SPMIP8: variants seen among roughly 807,000 people sequenced by gnomAD.
SPMIP8 encodes testicular tissue protein Li 196.
At chr16:57,982,945 G>A in the SPMIP8 span, among the ~76,000 whole-genome samples, 3 of 152,202 alleles carry the variant, frequency 2.0e-5, no homozygotes, top group East Asian at 1.9e-4. Context: ...CGTGAGAATC[G>A]CTTGAACCTG....
At chr16:57,987,340 A>AT in the SPMIP8 span, 5 of 1,456,052 alleles carry the variant, frequency 3.4e-6, no homozygotes, top group Admixed American at 8.0e-5. Context: ...GAAAAGCCTG[A>AT]TTTTTCCCCT....
the SPMIP8 span, chr16:57,985,760 C>T: frequency 1.7e-6 from 2 of 1,168,132 alleles, no homozygotes; most frequent in Admixed American, 3.1e-5. Context: ...TCCACCCTTG[C>T]GGAGTGGAGG....
the SPMIP8 span, chr16:57,984,381 C>T: frequency 6.2e-7 from 1 of 1,614,170 alleles, no homozygotes; most frequent in South Asian, 1.1e-5. Flanking sequence ...GTCCTTTGCC[C>T]TGCCCTTGGG....
the SPMIP8 span, chr16:57,987,249 A>C: frequency 3.9e-6 from 3 of 759,804 alleles, no homozygotes; most frequent in Non-Finnish European, 5.8e-6. Context: ...GACAGCTGAA[A>C]ATACAGAAAA....
chr16:57,984,058 C>T, the SPMIP8 span, among the ~76,000 whole-genome samples: 2 of 151,952 alleles, frequency 1.3e-5, no homozygotes, highest in African/African-American at 4.8e-5. Flanking sequence ...TGCTCGCCAC[C>T]ATGCCTGGCT....
the SPMIP8 span, chr16:57,978,083 G>T: frequency 1.3e-6 from 2 of 1,571,302 alleles, no homozygotes; most frequent in Non-Finnish European, 1.7e-6. Flanking sequence ...AGGGGCAGAT[G>T]GTTTCAGGAA....
chr16:57,985,188 G>C, the SPMIP8 span: 1 of 1,509,942 alleles, frequency 6.6e-7, no homozygotes, highest in Non-Finnish European at 8.8e-7. Context: ...GCGCTCGAGA[G>C]GGGCTTTCTG....
chr16:57,980,589 G>T, the SPMIP8 span, among the ~76,000 whole-genome samples: 1 of 152,182 alleles, frequency 6.6e-6, no homozygotes, highest in African/African-American at 2.4e-5. Context: ...TGTATGAGTT[G>T]TAATTGTTTT....
chr16:57,980,319 C>T, the SPMIP8 span, among the ~76,000 whole-genome samples: 33 of 152,342 alleles, frequency 2.2e-4, no homozygotes, highest in South Asian at 6.4e-3. Flanking sequence ...ATTGAACAAA[C>T]ATGCATGTAA....
the SPMIP8 span, chr16:57,985,439 C>A: frequency 6.2e-7 from 1 of 1,613,546 alleles, no homozygotes; most frequent in Non-Finnish European, 8.5e-7. Context: ...GGCGTCCGTG[C>A]TCCCCCGACT....
At chr16:57,985,526 G>A in the SPMIP8 span, 2 of 1,606,992 alleles carry the variant, frequency 1.2e-6, no homozygotes, top group Admixed American at 1.7e-5. Flanking sequence ...ACGGACAGAA[G>A]CCCCTGCCTT....
the SPMIP8 span, chr16:57,985,104 G>T: frequency 1.6e-6 from 2 of 1,229,606 alleles, no homozygotes; most frequent in Non-Finnish European, 2.2e-6. Context: ...GGTGGGGCTG[G>T]ATTGTGGGCG....
At chr16:57,985,606 C>A in the SPMIP8 span, 2 of 1,522,692 alleles carry the variant, frequency 1.3e-6, no homozygotes, top group East Asian at 2.3e-5. Context: ...GAGGTCTGGG[C>A]CGCTTTCCTA....
the SPMIP8 span, chr16:57,986,353 A>T: frequency 1.2e-5 from 2 of 172,650 alleles, no homozygotes; most frequent in Non-Finnish European, 2.4e-5. Flanking sequence ...AAGAGATAAG[A>T]TAAGAACAAG....
chr16:57,985,904 C>T, the SPMIP8 span: 2 of 1,612,206 alleles, frequency 1.2e-6, no homozygotes, highest in Non-Finnish European at 1.7e-6. Flanking sequence ...CCCGTTCTTT[C>T]CCAGGAACAC....
At chr16:57,985,946 G>A in the SPMIP8 span, 2 of 1,612,436 alleles carry the variant, frequency 1.2e-6, no homozygotes, top group Middle Eastern at 1.7e-4. Flanking sequence ...CTACAGGTAG[G>A]GGAACGGTCC....
the SPMIP8 span, among the ~76,000 whole-genome samples, chr16:57,983,367 AT>A: frequency 3.4e-4 from 52 of 152,124 alleles, no homozygotes; most frequent in Admixed American, 2.2e-3. Flanking sequence ...AAGTGGAAAT[AT>A]TTTTTCCATT....
chr16:57,983,859 C>T, the SPMIP8 span, among the ~76,000 whole-genome samples: 1 of 152,172 alleles, frequency 6.6e-6, no homozygotes, highest in East Asian at 1.9e-4. Context: ...GTGATCCACC[C>T]GCTTTGGCCT....
At chr16:57,977,813 A>C in the SPMIP8 span, 1 of 1,610,208 alleles carries the variant, frequency 6.2e-7, no homozygotes, top group South Asian at 1.1e-5. Flanking sequence ...TCTGCCCCCC[A>C]GCTATGGCCC....
Sources: allele counts gnomAD v4.1 joint callset (sites outside exome capture counted in the v4.1 genomes callset), GRCh38; gene constraint gnomAD v4.1.1; transcripts MANE v1.5; gene names NCBI Gene and HGNC (gene_info 2026-07-23, HGNC 2026-07-21).